Variants in HDAC4 observed in about 807,000 individuals in gnomAD.
HDAC4 encodes the protein histone deacetylase 4, also known as histone deacetylase A.
Under a neutral mutation model 135.1 loss-of-function variants are expected in HDAC4, and 16 were observed. That is an observed-to-expected ratio of 0.12 (90% confidence interval 0.08 to 0.18). The LOEUF is 0.18. Ranked by LOEUF, HDAC4 falls within the 10% of genes least tolerant of loss-of-function variation. HDAC4 has a pLI of 1.00. For synonymous variants in HDAC4, 685 were observed against 653.4 expected (o/e 1.05, Z -0.74); for missense variants, 1,143 against 1,511.8 (o/e 0.76, Z 4.05).
At chr2:239,390,170 G>C (rs980997946) in intron 1 of HDAC4, among the ~76,000 whole-genome samples, 1 of 152,070 alleles carries the variant, frequency 6.6e-6, no homozygotes, top group Non-Finnish European at 1.5e-5. Context: ...ACAATTCCCT[G>C]AGGCCACAGT....
At chr2:239,263,820 C>T (rs903651218) in intron 2 of HDAC4, among the ~76,000 whole-genome samples, 1 of 152,146 alleles carries the variant, frequency 6.6e-6, no homozygotes, top group African/African-American at 2.4e-5. Flanking sequence ...CCCAGCTGTC[C>T]GACTCGGCTG....
intron 4 of HDAC4, chr2:239,187,263 C>T (rs1559198293): frequency 1.3e-5 from 2 of 152,502 alleles, no homozygotes; most frequent in Admixed American, 6.5e-5. Flanking sequence ...CAGGGCAGTG[C>T]CTGGGTCAAG....
chr2:239,052,250 G>A lies in HDAC4; in HGVS notation c.*847C>T, dbSNP rs1425931481. The A allele has an allele frequency of 6.6e-6, 1 of 152,322 alleles. No individual in the cohort carries two copies. Among genetic ancestry groups the A allele is most frequent in the Non-Finnish European group, 1.5e-5 (1 of 68,042 alleles). The allele number at this position is 152,322 out of a possible 1,614,324, so 9.4% of individuals were successfully genotyped here. A position where few individuals can be genotyped will look rare whatever the true frequency, so the allele number is the denominator to read the frequency against. ...TGCAGCCCCTGGCCCCGGAGATGAC[G>A]GCTGGTGCCCGTGCTTGAGGCGTCA... On this transcript the variant is annotated 3_prime_UTR_variant, in exon 27 of 27. Coordinates refer to ENST00000543185, the MANE Select transcript of HDAC4 (RefSeq NM_001378414.1).
chr2:239,055,917 C>A (rs2031766061), intron 24 of HDAC4, among the ~76,000 whole-genome samples: 1 of 152,212 alleles, frequency 6.6e-6, no homozygotes, highest in African/African-American at 2.4e-5. Flanking sequence ...GGAAAGACCA[C>A]TGTCAGGACA....
At position 239,331,921 on chromosome 2, in the gene HDAC4, T is replaced by TGAG. The variant is rs1364530598; in HGVS notation, c.22+20754_22+20756dup. Among the ~76,000 whole-genome samples the TGAG allele has an allele frequency of 6.6e-6, 1 of 151,512 alleles. No individual in the cohort carries two copies. Among genetic ancestry groups the TGAG allele is most frequent in the African/African-American group, 2.4e-5 (1 of 41,194 alleles). ...GGTGAGGAGAGCCCCGTGCCAGGAG[T>TGAG]GAGGGCAACACGGACCTGACCAGTC... On this transcript the variant is annotated intron_variant, in intron 2 of 26. Transcript: ENST00000543185. The surrounding 1 kb of genome is among the most constrained non-coding windows in gnomAD (Gnocchi z 4.5).
chr2:239,078,429 C>A (rs184872855), intron 22 of HDAC4, among the ~76,000 whole-genome samples: 1 of 152,212 alleles, frequency 6.6e-6, no homozygotes, highest in Admixed American at 6.5e-5. Flanking sequence ...GGGAGAAGAG[C>A]AGAAGAAAGG....
intron 7 of HDAC4, among the ~76,000 whole-genome samples, chr2:239,148,398 A>T (rs902407285): frequency 6.6e-6 from 1 of 152,206 alleles, no homozygotes; most frequent in African/African-American, 2.4e-5. Flanking sequence ...AGCAGGGTGG[A>T]GAAATCATGA....
intron 19 of HDAC4, chr2:239,085,719 G>A (rs1408100126): frequency 6.6e-6 from 1 of 152,178 alleles, no homozygotes; most frequent in Non-Finnish European, 1.5e-5. Context: ...CCCTGTACAC[G>A]AAGGACACTC....
At chr2:239,360,593 C>G (rs1248707156) in intron 1 of HDAC4, among the ~76,000 whole-genome samples, 1 of 152,216 alleles carries the variant, frequency 6.6e-6, no homozygotes, top group Non-Finnish European at 1.5e-5. Flanking sequence ...TCTTCACACC[C>G]CCGGACTCTG....
At chr2:239,392,026 T>C (rs1221467892) in intron 1 of HDAC4, among the ~76,000 whole-genome samples, 1 of 152,074 alleles carries the variant, frequency 6.6e-6, no homozygotes, top group Non-Finnish European at 1.5e-5. Context: ...AAGGTCAACA[T>C]CCCCACCAGC....
chr2:239,239,322 T>C (rs1051603318), intron 2 of HDAC4, among the ~76,000 whole-genome samples: 1 of 152,180 alleles, frequency 6.6e-6, no homozygotes, highest in Non-Finnish European at 1.5e-5. Flanking sequence ...ATGGGTTTAT[T>C]GTAAAAGATG....
intron 2 of HDAC4, among the ~76,000 whole-genome samples, chr2:239,238,829 A>G (rs2048029448): frequency 6.6e-6 from 1 of 152,190 alleles, no homozygotes; most frequent in Admixed American, 6.5e-5. Context: ...ATCCACAAGC[A>G]TCACTCGTGT....
chr2:239,101,058 G>A (rs2037570867), intron 16 of HDAC4, among the ~76,000 whole-genome samples: 1 of 152,176 alleles, frequency 6.6e-6, no homozygotes, highest in Non-Finnish European at 1.5e-5. Flanking sequence ...GTCGGAGTCT[G>A]TGGGGTGGGT....
rs921634542 is a variant in HDAC4 at position 239,245,761 on chromosome 2, G to A, written c.23-9097C>T. On this transcript the variant is annotated intron_variant, in intron 2 of 26. Transcript: ENST00000543185. This position sits in a 1 kb window ranked among gnomAD's most constrained non-coding sequence, Gnocchi z 4.4. The stretch of plus-strand genomic sequence containing the variant: ...TTCAAGAGATGCCAGGAATAAAGAC[G>A]AGCCTGCCCCCACCTTCTATTCAAT... 2.0e-5 allele frequency among the ~76,000 whole-genome samples: 3 copies of A among 152,108 alleles called. No homozygotes were observed. The highest frequency in any genetic ancestry group is 4.4e-5 in the Non-Finnish European group (3 of 68,026).
intron 2 of HDAC4, among the ~76,000 whole-genome samples, chr2:239,312,805 G>A (rs1394847082): frequency 2.0e-5 from 3 of 152,206 alleles, no homozygotes; most frequent in African/African-American, 4.8e-5. Context: ...CCGTGGCGCC[G>A]GCAGACTAGC....
chr2:239,369,600 T>A (rs1694463256), intron 1 of HDAC4, among the ~76,000 whole-genome samples: 2 of 152,242 alleles, frequency 1.3e-5, no homozygotes, highest in South Asian at 4.1e-4. Flanking sequence ...CTGCTGCAGA[T>A]AATCAAGAGA....
rs74761897 is a variant in HDAC4, at chr2:239,190,174, C to CG, written c.95-98dup. 0.015 allele frequency: 16,001 copies of CG among 1,069,010 alleles called. 633 individuals are homozygous for CG. The highest frequency in any genetic ancestry group is 0.14 in the African/African-American group (6,918 of 51,006). 66.2% of individuals were successfully genotyped at this position (1,069,010 alleles called of 1,614,324 possible). ...CAACACACTGGCCACCTTCACGGGGCGGGGGGGGGGTTGTGACCATTTGAG... is the reference window on the plus strand; with the variant it reads ...CAACACACTGGCCACCTTCACGGGGCGGGGGGGGGGGTTGTGACCATTTGAG... On this transcript the variant is annotated intron_variant, in intron 3 of 26. Transcript: ENST00000543185.
At chr2:239,323,951 A>G (rs2053394722) in intron 2 of HDAC4, among the ~76,000 whole-genome samples, 1 of 152,242 alleles carries the variant, frequency 6.6e-6, no homozygotes, top group East Asian at 1.9e-4. Context: ...AATGAAATAT[A>G]TCCTCTATTG....
intron 18 of HDAC4, among the ~76,000 whole-genome samples, chr2:239,089,077 C>T (rs550631298): frequency 1.2e-4 from 18 of 151,566 alleles, no homozygotes; most frequent in African/African-American, 3.6e-4. Flanking sequence ...ATTTCAGATC[C>T]ACACTGCAGC....
Sources: gnomAD v4.1 joint callset for allele counts (sites outside exome capture counted in the v4.1 genomes callset) on GRCh38, gnomAD v4.1.1 for gene constraint, Gnocchi (gnomAD v3.1) non-coding constraint, MANE v1.5 for transcripts, NCBI Gene and HGNC (gene_info 2026-07-23, HGNC 2026-07-21) for gene names.